NXN: variants seen among roughly 807,000 people sequenced by gnomAD.
The protein encoded by NXN is nucleoredoxin.
Under a neutral mutation model 48.6 loss-of-function variants are expected in NXN, and 16 were observed. The ratio of observed to expected loss-of-function variants is 0.33; its 90% confidence interval spans 0.22 to 0.50. NXN has a LOEUF of 0.50. NXN is among the 20% of genes least tolerant of loss of function. The probability of loss-of-function intolerance (pLI) is 0.98; values close to 1 mark genes in which losing one functional copy is unlikely to be tolerated. For missense variants in NXN, 492 were observed against 605.5 expected, an observed-to-expected ratio of 0.81 and a Z score of 1.97; for synonymous variants, 281 against 269.6, an observed-to-expected ratio of 1.04 and a Z score of -0.41.
intron 1 of NXN, among the ~76,000 whole-genome samples, chr17:939,478 A>T (rs12937533): frequency 0.92 from 140,143 of 151,708 alleles, 65,470 homozygotes; most frequent in Non-Finnish European, 1. Flanking sequence ...CCCCAGTAGC[A>T]GGGATTACAG....
At chr17:968,883 G>A (rs1304136006) in intron 1 of NXN, among the ~76,000 whole-genome samples, 1 of 152,060 alleles carries the variant, frequency 6.6e-6, no homozygotes, top group Non-Finnish European at 1.5e-5. Context: ...GTCACAGTGA[G>A]CTGAGATCGT....
chr17:936,311 T>C (rs1306420465), intron 1 of NXN, among the ~76,000 whole-genome samples: 1 of 152,020 alleles, frequency 6.6e-6, no homozygotes, highest in Non-Finnish European at 1.5e-5. Context: ...TTTTGCTTTG[T>C]GTTCTTCTCC....
chr17:868,695 C>T (rs903082382), intron 1 of NXN, among the ~76,000 whole-genome samples: 26 of 152,102 alleles, frequency 1.7e-4, no homozygotes, highest in East Asian at 3.9e-4. Context: ...GGTTTCACCA[C>T]GTTAGCCAGG....
intron 1 of NXN, among the ~76,000 whole-genome samples, chr17:923,318 ATTACTT>A (rs2068766696): frequency 6.6e-6 from 1 of 152,112 alleles, no homozygotes; most frequent in Non-Finnish European, 1.5e-5. Flanking sequence ...CGTTGGTGCA[ATTACTT>A]GTGCACCAAC....
intron 1 of NXN, among the ~76,000 whole-genome samples, chr17:869,913 T>C (rs970559885): frequency 6.6e-6 from 1 of 152,152 alleles, no homozygotes; most frequent in African/African-American, 2.4e-5. Context: ...AGAGCTCTCG[T>C]ACTTAGGAAG....
In NXN at chr17:956,048, CCT is replaced by C. The variant is rs766975636; in HGVS notation, c.360+23269_360+23270del. Among the ~76,000 whole-genome samples, 7 of 152,120 alleles carry C rather than the reference CCT, an allele frequency of 4.6e-5. No homozygotes were observed. The highest frequency in any genetic ancestry group is 7.4e-5 in the Non-Finnish European group (5 of 68,026). ...AAGAAGACTGTGGCCACATAATCCC[CCT>C]GTCCTTTCCAGGGTATCATTCAGTG... On this transcript the variant is annotated intron_variant, in intron 1 of 7. Coordinates refer to ENST00000336868, the MANE Select transcript of NXN (RefSeq NM_022463.5). This position sits in a 1 kb window ranked among gnomAD's most constrained non-coding sequence, Gnocchi z 4.1.
intron 1 of NXN, among the ~76,000 whole-genome samples, chr17:832,634 T>G (rs1028100288): frequency 2.0e-5 from 3 of 151,980 alleles, no homozygotes; most frequent in Non-Finnish European, 4.4e-5. Context: ...AGTAGAAGAG[T>G]TGTAACACCT....
In NXN at chr17:935,282, C is replaced by A. The variant is rs2068896455; in HGVS notation, c.360+44037G>T. 2.0e-5 allele frequency among the ~76,000 whole-genome samples: 3 copies of A among 152,120 alleles called. No individual in the cohort carries two copies. In the South Asian group the frequency reaches 6.2e-4, roughly 32 times the overall value. The stretch of plus-strand genomic sequence containing the variant: ...GTGCTGGAATTACAGGTGTGAGCCA[C>A]CGCGCCCGGCCTTGCTGTGCTCTTT... On this transcript the variant is annotated intron_variant, in intron 1 of 7. Coordinates refer to ENST00000336868, the MANE Select transcript of NXN (RefSeq NM_022463.5).
chr17:846,961 G>A (rs777276821), intron 1 of NXN, among the ~76,000 whole-genome samples: 11 of 152,268 alleles, frequency 7.2e-5, no homozygotes, highest in South Asian at 4.2e-4. Flanking sequence ...AAATCATCTC[G>A]AAACTTTCCG....
chr17:828,394 G>A (rs1302038649), intron 1 of NXN, among the ~76,000 whole-genome samples: 2 of 131,846 alleles, frequency 1.5e-5, no homozygotes, highest in Non-Finnish European at 1.6e-5. Flanking sequence ...GTGAGCCACC[G>A]TGCCTGGCCT....
In NXN at chr17:978,968, C is replaced by G. The variant is rs552435758; in HGVS notation, c.360+351G>C. ...ATCCCCGAGCGCAGCCGCCCCCACC[C>G]GAGGCTCCCAGCGTGTGCGGACGGA... is the stretch of plus-strand genomic sequence containing the variant. On this transcript the variant is annotated intron_variant, in intron 1 of 7. Transcript: ENST00000336868. This position sits in a 1 kb window ranked among gnomAD's most constrained non-coding sequence, Gnocchi z 4.1. 6.6e-6 allele frequency among the ~76,000 whole-genome samples: 1 copy of G among 150,760 alleles called. No individual in the cohort carries two copies. Among genetic ancestry groups the G allele is most frequent in the African/African-American group, 2.4e-5 (1 of 41,052 alleles).
chr17:819,315 G>A, intron 5 of NXN, 124 bp downstream of exon 5: 1 of 742,378 alleles, frequency 1.3e-6, no homozygotes, highest in Non-Finnish European at 2.4e-6. Flanking sequence ...TGAGAAACAT[G>A]AAAGGCACAT....
Position 917,303 on chromosome 17 carries a change from A to G in NXN, c.360+62016T>C, listed in dbSNP as rs961749807. ...ACTACAGGCGCCCGCCACCATGCCC[A>G]GCTAATTTTTTGTATTTTTAGTAGA... is the stretch of plus-strand genomic sequence containing the variant. On this transcript the variant is annotated intron_variant, in intron 1 of 7. Transcript: ENST00000336868. This position sits in a 1 kb window ranked among gnomAD's most constrained non-coding sequence, Gnocchi z 4.5. Among the ~76,000 whole-genome samples the G allele has an allele frequency of 1.3e-4, 20 of 151,982 alleles. No individual in the cohort carries two copies. Among genetic ancestry groups the G allele is most frequent in the African/African-American group, 4.6e-4 (19 of 41,380 alleles).
rs879843884 is a variant in NXN at position 810,888 on chromosome 17, CA to C, written c.821-5642del. 7.0e-4 allele frequency among the ~76,000 whole-genome samples: 100 copies of C among 143,228 alleles called. No individual in the cohort carries two copies. In the South Asian group the frequency reaches 7.5e-3, roughly 11 times the overall value. 94.0% of individuals were successfully genotyped at this position (143,228 alleles called of 152,430 possible). A position where few individuals can be genotyped will look rare whatever the true frequency, so the allele number is the denominator to read the frequency against. On this transcript the variant is annotated intron_variant, in intron 5 of 7. Coordinates refer to ENST00000336868, the MANE Select transcript of NXN (RefSeq NM_022463.5). ...TGGGCGACAGAGCGAGACTCTGCCT[CA>C]AAAAAAAAAAATTAGACAAAACACA...
intron 1 of NXN, chr17:911,111 T>TA (rs1394622210): frequency 6.6e-6 from 1 of 152,214 alleles, no homozygotes; most frequent in African/African-American, 2.4e-5. Context: ...TTGCACTTGA[T>TA]ATACGGCTTT....
At chr17:802,414 T>G (rs1025644912) in intron 7 of NXN, among the ~76,000 whole-genome samples, 3 of 152,234 alleles carry the variant, frequency 2.0e-5, no homozygotes, top group African/African-American at 7.2e-5. Context: ...GGACAGCGAC[T>G]ACGTTCCCAG....
intron 1 of NXN, among the ~76,000 whole-genome samples, chr17:941,395 C>A (rs2068973596): frequency 7.2e-6 from 1 of 139,400 alleles, no homozygotes; most frequent in Non-Finnish European, 1.5e-5. Flanking sequence ...ATGAATTCAC[C>A]AAACACCTCC....
intron 6 of NXN, 48 bp downstream of exon 6, chr17:805,020 T>TCCCCCCCCCCCCCCCCCCCCCC: frequency 6.6e-7 from 1 of 1,512,880 alleles, no homozygotes; most frequent in Non-Finnish European, 9.0e-7. Context: ...GCCCCTCCTG[T>TCCCCCCCCCCCCCCCCCCCCCC]CCCGCCCCCC....
intron 1 of NXN, among the ~76,000 whole-genome samples, chr17:947,818 G>A (rs535092322): frequency 6.8e-6 from 1 of 146,384 alleles, no homozygotes; most frequent in Non-Finnish European, 1.5e-5. Flanking sequence ...CGAGCTGACT[G>A]TCTTGAGCTC....
Sources: allele counts gnomAD v4.1 joint callset (sites outside exome capture counted in the v4.1 genomes callset), GRCh38; gene constraint gnomAD v4.1.1; non-coding constraint Gnocchi (gnomAD v3.1); transcripts MANE v1.5; gene names NCBI Gene and HGNC (gene_info 2026-07-23, HGNC 2026-07-21).